DCDC2: variants seen among roughly 807,000 people sequenced by gnomAD.
DCDC2 encodes doublecortin domain containing 2.
A neutral mutation model predicts 50.2 loss-of-function variants in DCDC2; 40 were observed. The observed-to-expected ratio is 0.80, with a 90% confidence interval of 0.62 to 1.04. The LOEUF is 1.04. Among genes scored for constraint, DCDC2 ranks in the 50% least tolerant of loss-of-function variants. The probability of loss-of-function intolerance (pLI) is 0.00; values close to 1 mark genes in which losing one functional copy is unlikely to be tolerated. For synonymous variants in DCDC2, 234 were observed against 210.6 expected (o/e 1.11, Z -0.96); for missense variants, 570 against 581.9 (o/e 0.98, Z 0.21).
At chr6:24,200,286 A>C (rs1761555531) in intron 8 of DCDC2, among the ~76,000 whole-genome samples, 1 of 152,244 alleles carries the variant, frequency 6.6e-6, no homozygotes, top group Non-Finnish European at 1.5e-5. Context: ...CACAACGGGA[A>C]GTCCATCAGA....
intron 7 of DCDC2, among the ~76,000 whole-genome samples, chr6:24,275,053 A>T (rs1222887689): frequency 2.0e-5 from 3 of 152,116 alleles, no homozygotes; most frequent in African/African-American, 7.2e-5. Flanking sequence ...TTACATTATT[A>T]TGAGTTCTTA....
rs564243218 is a variant in DCDC2, at chr6:24,262,763, G to C, written c.922+15286C>G. On this transcript the variant is annotated intron_variant, in intron 7 of 9. Coordinates refer to ENST00000378454, the MANE Select transcript of DCDC2 (RefSeq NM_016356.5). ...TTTCCAGACACACCCAGGGCCAGAA[G>C]GGAACCCACCTTGGGCCAGCAGGGA... Among the ~76,000 whole-genome samples, 9 of 152,340 alleles carry C rather than the reference G, an allele frequency of 5.9e-5. No individual in the cohort carries two copies. The South Asian group carries it at 1.9e-3, about 32-fold the overall frequency.
intron 2 of DCDC2, among the ~76,000 whole-genome samples, chr6:24,338,786 C>T (rs1760102251): frequency 6.6e-6 from 1 of 152,130 alleles, no homozygotes; most frequent in Non-Finnish European, 1.5e-5. Flanking sequence ...GCTGGGATTA[C>T]AGGCACACAC....
intron 7 of DCDC2, among the ~76,000 whole-genome samples, chr6:24,231,567 C>T (rs1762336837): frequency 6.6e-6 from 1 of 152,120 alleles, no homozygotes. Flanking sequence ...CTCCCCTCCC[C>T]CATCCTCCAC....
intron 7 of DCDC2, among the ~76,000 whole-genome samples, chr6:24,212,497 A>C (rs575546904): frequency 6.6e-6 from 1 of 152,298 alleles, no homozygotes; most frequent in Admixed American, 6.5e-5. Flanking sequence ...CCAACCCCAG[A>C]CACCCACACA....
At chr6:24,285,941 A>G (rs62400409) in intron 6 of DCDC2, among the ~76,000 whole-genome samples, 12,271 of 152,244 alleles carry the variant, frequency 0.081, 641 homozygotes, top group African/African-American at 0.16. Context: ...GCTAATATCT[A>G]TACAGTACAC....
intron 7 of DCDC2, among the ~76,000 whole-genome samples, chr6:24,259,133 GAA>G (rs35299013): frequency 1.3e-5 from 2 of 150,226 alleles, no homozygotes; most frequent in African/African-American, 4.9e-5. Context: ...CAAGACATGT[GAA>G]AAAAAAACAG....
chr6:24,335,426 T>G (rs1226406476), intron 2 of DCDC2, among the ~76,000 whole-genome samples: 3 of 152,178 alleles, frequency 2.0e-5, no homozygotes, highest in Non-Finnish European at 4.4e-5. Context: ...AAAGGATGTA[T>G]AGTAAGTATT....
chr6:24,260,822 T>C (rs1051914100), intron 7 of DCDC2, among the ~76,000 whole-genome samples: 1 of 152,220 alleles, frequency 6.6e-6, no homozygotes, highest in Non-Finnish European at 1.5e-5. Context: ...TTGTCAATGA[T>C]GGTGCTCAAT....
intron 8 of DCDC2, among the ~76,000 whole-genome samples, chr6:24,200,192 C>T (rs761352109): frequency 8.6e-5 from 13 of 151,960 alleles, no homozygotes; most frequent in Non-Finnish European, 4.4e-5. Context: ...AAGAGTAACC[C>T]CAAGACACAT....
intron 4 of DCDC2, among the ~76,000 whole-genome samples, chr6:24,299,674 G>A (rs756110572): frequency 8.5e-5 from 13 of 152,180 alleles, no homozygotes; most frequent in South Asian, 4.1e-4. Context: ...AGCACTTTGG[G>A]AGGCCAAGGC....
upstream of DCDC2, among the ~76,000 whole-genome samples, chr6:24,361,495 G>C (rs184883283): frequency 6.3e-4 from 96 of 152,100 alleles, no homozygotes; most frequent in Middle Eastern, 3.4e-3. Context: ...GGAGGAAATA[G>C]ACAAGGGAAA....
At chr6:24,358,951 TTA>T (rs1367174746), upstream of DCDC2, among the ~76,000 whole-genome samples, 15 of 61,634 alleles carry the variant, frequency 2.4e-4, no homozygotes, top group South Asian at 1.3e-3. Context: ...ATATTATATA[TTA>T]TATATTATAT....
chr6:24,191,684 T>C (rs1205880287), intron 8 of DCDC2, among the ~76,000 whole-genome samples: 1 of 152,196 alleles, frequency 6.6e-6, no homozygotes, highest in Non-Finnish European at 1.5e-5. Flanking sequence ...TGGATCATTA[T>C]GAAAGTGGTT....
At chr6:24,298,316 T>C (rs777473582) in intron 4 of DCDC2, among the ~76,000 whole-genome samples, 199 of 152,210 alleles carry the variant, frequency 1.3e-3, no homozygotes, top group Non-Finnish European at 2.5e-3. Flanking sequence ...TACCAGTCCA[T>C]GGCCTGGGGG....
At position 24,331,502 on chromosome 6, in the gene DCDC2, C is replaced by A. The variant is rs142719205; in HGVS notation, c.348+22067G>T. On this transcript the variant is annotated intron_variant, in intron 2 of 9. Coordinates refer to ENST00000378454, the MANE Select transcript of DCDC2 (RefSeq NM_016356.5). ...TATACAAAATGGTAATATTTTAAAT[C>A]TAATCCTTTATTTGATATGCGATAC... Among the ~76,000 whole-genome samples, 767 of 151,964 alleles carry A rather than the reference C, an allele frequency of 5.0e-3. 13 individuals carry two copies. Among genetic ancestry groups the A allele is most frequent in the African/African-American group, 0.016 (676 of 41,468 alleles).
At chr6:24,370,580 C>T in the DCDC2 span, among the ~76,000 whole-genome samples, 37 of 152,116 alleles carry the variant, frequency 2.4e-4, no homozygotes, top group Non-Finnish European at 4.1e-4. Flanking sequence ...TGTGGTGGCA[C>T]GCACCTGTAG....
At chr6:24,208,611 C>G (rs953567974) in intron 7 of DCDC2, among the ~76,000 whole-genome samples, 5 of 152,068 alleles carry the variant, frequency 3.3e-5, no homozygotes, top group Admixed American at 3.3e-4. Context: ...CTCAGGTGAT[C>G]CACCCTCCTC....
chr6:24,359,279 ATATTATATATTTTATATTTT>A (rs1363633528), upstream of DCDC2, among the ~76,000 whole-genome samples: 154 of 61,800 alleles, frequency 2.5e-3, no homozygotes, highest in African/African-American at 4.0e-3. Flanking sequence ...TATTTTATAT[ATATTATATATTTTATATTTT>A]TTATATATAT....
Sources: allele counts gnomAD v4.1 joint callset (sites outside exome capture counted in the v4.1 genomes callset), GRCh38; gene constraint gnomAD v4.1.1; transcripts MANE v1.5; gene names NCBI Gene and HGNC (gene_info 2026-07-23, HGNC 2026-07-21).